PAK2: variants seen among roughly 807,000 people sequenced by gnomAD.
PAK2 encodes the protein serine/threonine-protein kinase PAK 2.
PAK2 carries 21 observed loss-of-function variants against 65.9 expected under a neutral mutation model. The ratio of observed to expected loss-of-function variants is 0.32; its 90% CI spans 0.23 to 0.46. The LOEUF (loss-of-function observed/expected upper bound fraction) is 0.46. PAK2 is among the 20% of genes least tolerant of loss of function. The probability of loss-of-function intolerance (pLI) is 1.00; values close to 1 mark genes in which losing one functional copy is unlikely to be tolerated. For missense variants in PAK2, 324 were observed against 642.6 expected (o/e 0.50, Z 5.36); for synonymous variants, 204 against 219.7 (o/e 0.93, Z 0.63).
intron 1 of PAK2, among the ~76,000 whole-genome samples, chr3:196,781,023 C>T (rs1460557761): frequency 6.6e-6 from 1 of 152,146 alleles, no homozygotes; most frequent in African/African-American, 2.4e-5. Flanking sequence ...CTCCTGACCT[C>T]GTGATCCACC....
chr3:196,746,813 T>A (rs1713396352), intron 1 of PAK2, among the ~76,000 whole-genome samples: 2 of 129,072 alleles, frequency 1.5e-5, no homozygotes, highest in Non-Finnish European at 3.2e-5. Context: ...TCTGTCTCAT[T>A]AAAAAAAAAA....
At chr3:196,802,518 T>G (rs1002340630) in intron 3 of PAK2, among the ~76,000 whole-genome samples, 1 of 152,100 alleles carries the variant, frequency 6.6e-6, no homozygotes, top group Non-Finnish European at 1.5e-5. Flanking sequence ...GCAGAGCCTA[T>G]TAATTATAGT....
rs34194625 is a variant in PAK2, at chr3:196,745,282, A to ATT, written c.-22+5146_-22+5147dup. On this transcript the variant is annotated intron_variant, in intron 1 of 14. Transcript: ENST00000327134. ...GGCACCATACCATCGCACCCAACTG[A>ATT]TTTTTTTTTTTTTTTTTTTTTTGTA... 2.0e-3 allele frequency among the ~76,000 whole-genome samples: 181 copies of ATT among 92,748 alleles called. 2 individuals are homozygous for ATT. Among genetic ancestry groups the ATT allele is most frequent in the African/African-American group, 5.0e-3 (112 of 22,310 alleles). 60.8% of individuals were successfully genotyped at this position (92,748 alleles called of 152,430 possible). A position where few individuals can be genotyped will look rare whatever the true frequency, so the allele number is the denominator to read the frequency against.
chr3:196,807,995 CT>C, intron 7 of PAK2, 81 bp downstream of exon 7: 1 of 1,362,324 alleles, frequency 7.3e-7, no homozygotes, highest in Non-Finnish European at 1.0e-6. Context: ...TTAACTTACA[CT>C]TTACATTGTG....
intron 1 of PAK2, among the ~76,000 whole-genome samples, chr3:196,772,237 C>T (rs1454503113): frequency 6.6e-5 from 10 of 152,254 alleles, no homozygotes; most frequent in African/African-American, 2.4e-4. Context: ...GGAGGGACGC[C>T]TGTTAATTTT....
intron 2 of PAK2, among the ~76,000 whole-genome samples, chr3:196,796,045 C>T (rs13323712): frequency 0.015 from 2,266 of 152,298 alleles, 62 homozygotes; most frequent in African/African-American, 0.051. Context: ...GTAGGGCTCA[C>T]GCTATGCGGT....
chr3:196,765,529 A>G (rs1714135860), intron 1 of PAK2, among the ~76,000 whole-genome samples: 1 of 152,200 alleles, frequency 6.6e-6, no homozygotes, highest in Admixed American at 6.5e-5. Context: ...CATATTCCTG[A>G]TAACACTTGA....
At position 196,827,264 on chromosome 3, in the gene PAK2, T is replaced by C. The variant is rs1212720096; in HGVS notation, c.1419T>C (p.Phe473=). ...LQNPEKLSPI[F]RDFLNRCLEM... ...ATCCAGAGAAACTTTCCCCAATATT[T>C]CGGGATTTCTTAAATCGATGTTTGG... The change falls in exon 14 of 15, where the codon TTT becomes TTC. Residue 473 remains phenylalanine, a synonymous_variant. Transcript: ENST00000327134. 5.0e-6 allele frequency: 8 copies of C among 1,612,424 alleles called. No homozygotes were observed. Among genetic ancestry groups the C allele is most frequent in the Admixed American group, 1.7e-5 (1 of 59,950 alleles).
chr3:196,765,484 C>T (rs1472408447), intron 1 of PAK2, among the ~76,000 whole-genome samples: 1 of 152,168 alleles, frequency 6.6e-6, no homozygotes, highest in East Asian at 1.9e-4. Context: ...CCAGTTTATA[C>T]TCCTGCCAGC....
chr3:196,810,735 C>T lies in PAK2; in HGVS notation c.773+82C>T, dbSNP rs73074699. 1.5e-3 allele frequency: 1,168 copies of T among 766,584 alleles called. 10 individuals carry two copies. In the African/African-American group the frequency reaches 0.017, roughly 11 times the overall value. The allele number at this position is 766,584 out of a possible 1,614,324, so 47.5% of individuals were successfully genotyped here. A position where few individuals can be genotyped will look rare whatever the true frequency, so the allele number is the denominator to read the frequency against. On this transcript the variant is annotated intron_variant, in intron 8 of 14. Transcript: ENST00000327134. The stretch of plus-strand genomic sequence containing the variant: ...ATAGCATGATGTTTATTTTGCCTGC[C>T]GACATCAAGTACTTATATAGTATTC...
intron 2 of PAK2, among the ~76,000 whole-genome samples, chr3:196,788,235 A>G (rs1360434591): frequency 6.6e-6 from 1 of 152,222 alleles, no homozygotes; most frequent in African/African-American, 2.4e-5. Context: ...TCTAAAAGGC[A>G]AACAATTGTA....
intron 1 of PAK2, among the ~76,000 whole-genome samples, chr3:196,748,941 C>T (rs1384852770): frequency 6.6e-6 from 1 of 152,154 alleles, no homozygotes; most frequent in East Asian, 1.9e-4. Flanking sequence ...TGAACCATAA[C>T]TCCTCATTCT....
intron 1 of PAK2, among the ~76,000 whole-genome samples, chr3:196,744,016 C>T (rs1028859322): frequency 6.6e-6 from 1 of 152,106 alleles, no homozygotes; most frequent in Non-Finnish European, 1.5e-5. Context: ...AATAGTTTCA[C>T]CACTGAAATA....
chr3:196,746,355 T>C (rs999972938), intron 1 of PAK2, among the ~76,000 whole-genome samples: 5 of 152,198 alleles, frequency 3.3e-5, no homozygotes, highest in African/African-American at 1.2e-4. Context: ...GATGATGATA[T>C]GGTTTTCTTC....
chr3:196,756,986 A>G (rs1713790966), intron 1 of PAK2, among the ~76,000 whole-genome samples: 1 of 152,208 alleles, frequency 6.6e-6, no homozygotes, highest in South Asian at 2.1e-4. Context: ...ACACCTGAAC[A>G]AGGGAGGGGA....
intron 2 of PAK2, among the ~76,000 whole-genome samples, chr3:196,795,311 AAAG>A (rs1293805992): frequency 6.6e-5 from 10 of 151,774 alleles, no homozygotes; most frequent in African/African-American, 2.4e-4. Flanking sequence ...AAAAAGAAAA[AAAG>A]AAAAATTATC....
At chr3:196,747,249 T>C (rs1424567799) in intron 1 of PAK2, 1 of 152,182 alleles carries the variant, frequency 6.6e-6, no homozygotes, top group Non-Finnish European at 1.5e-5. Flanking sequence ...CTTAGTTCCT[T>C]TAATGTGTTT....
chr3:196,822,925 C>T (rs1711702406), intron 13 of PAK2, among the ~76,000 whole-genome samples: 2 of 152,136 alleles, frequency 1.3e-5, no homozygotes, highest in African/African-American at 4.8e-5. Flanking sequence ...GCTGAGCAAA[C>T]AGCGAGAGGT....
At chr3:196,818,182 A>G (rs765342829) in intron 12 of PAK2, 26 bp downstream of exon 12, 1 of 839,652 alleles carries the variant, frequency 1.2e-6, no homozygotes, top group Non-Finnish European at 2.0e-6. Flanking sequence ...ACAATTCACA[A>G]TCATTTATTA....
Sources: allele counts gnomAD v4.1 joint callset (sites outside exome capture counted in the v4.1 genomes callset), GRCh38; gene constraint gnomAD v4.1.1; transcripts MANE v1.5; gene names NCBI Gene and HGNC (gene_info 2026-07-23, HGNC 2026-07-21).